MAGI2: variants seen among roughly 807,000 people sequenced by gnomAD.
The protein encoded by MAGI2 is membrane associated guanylate kinase, WW and PDZ domain containing 2.
A neutral mutation model predicts 133.3 loss-of-function variants in MAGI2; 35 were observed. The observed-to-expected ratio is 0.26, with a 90% CI of 0.20 to 0.35. MAGI2 has a LOEUF of 0.35. Ranked by LOEUF, MAGI2 falls within the 10% of genes least tolerant of loss-of-function variation. The probability of loss-of-function intolerance (pLI) is 1.00; values close to 1 mark genes in which losing one functional copy is unlikely to be tolerated. For missense variants in MAGI2, 1,636 were observed against 1,863.4 expected, an observed-to-expected ratio of 0.88 and a Z score of 2.25; for synonymous variants, 729 against 710.6, an observed-to-expected ratio of 1.03 and a Z score of -0.41.
intron 2 of MAGI2, among the ~76,000 whole-genome samples, chr7:78,903,490 C>G (rs1053082903): frequency 5.9e-5 from 9 of 152,054 alleles, no homozygotes; most frequent in Non-Finnish European, 1.2e-4. Context: ...CCACCGCGCC[C>G]GGCCGAGTTC....
At chr7:78,909,443 A>C (rs1798229583) in intron 2 of MAGI2, among the ~76,000 whole-genome samples, 1 of 150,406 alleles carries the variant, frequency 6.6e-6, no homozygotes, top group South Asian at 2.1e-4. Flanking sequence ...AAAAAAAAAA[A>C]ACAAAAAAAA....
chr7:78,997,339 C>A (rs1806407544), intron 2 of MAGI2, among the ~76,000 whole-genome samples: 1 of 152,094 alleles, frequency 6.6e-6, no homozygotes. Flanking sequence ...CATGGTGGCT[C>A]ATGCTTGTAA....
intron 9 of MAGI2, among the ~76,000 whole-genome samples, chr7:78,332,697 C>CAAA (rs35777998): frequency 8.5e-6 from 1 of 117,328 alleles, no homozygotes. Context: ...GACTCCGTCT[C>CAAA]AAAAAAAAAA....
At chr7:78,508,277 TG>T (rs1303805502) in intron 4 of MAGI2, among the ~76,000 whole-genome samples, 4 of 149,112 alleles carry the variant, frequency 2.7e-5, no homozygotes, top group Non-Finnish European at 5.9e-5. Context: ...AATCTGGGGG[TG>T]GGGGCACAAT....
chr7:78,033,966 A>G lies in MAGI2; in HGVS notation c.3707-13990T>C, dbSNP rs77842137. On this transcript the variant is annotated intron_variant, in intron 21 of 21. Transcript: ENST00000354212. Reference sequence around the variant, plus strand: ...ATGCTCAATCCCTCCGTCTTACCTAAACAGATGAGTCAACCCAGAATACCA... The same window carrying G: ...ATGCTCAATCCCTCCGTCTTACCTAGACAGATGAGTCAACCCAGAATACCA... Among the ~76,000 whole-genome samples the G allele has an allele frequency of 1.9e-3, 287 of 152,318 alleles. 3 individuals carry two copies. Among genetic ancestry groups the G allele is most frequent in the African/African-American group, 6.8e-3 (281 of 41,562 alleles).
intron 12 of MAGI2, among the ~76,000 whole-genome samples, chr7:78,188,323 CA>C (rs1827886036): frequency 6.6e-6 from 1 of 152,072 alleles, no homozygotes; most frequent in East Asian, 1.9e-4. Context: ...ATCTTCATAT[CA>C]ATATAACGGC....
intron 20 of MAGI2, among the ~76,000 whole-genome samples, chr7:78,080,177 G>A (rs995739607): frequency 2.6e-5 from 4 of 152,146 alleles, no homozygotes; most frequent in African/African-American, 7.2e-5. Flanking sequence ...CCCCAAAGTC[G>A]GGGGGAAGAA....
chr7:79,177,957 C>A (rs1369526104), intron 1 of MAGI2, among the ~76,000 whole-genome samples: 1 of 152,034 alleles, frequency 6.6e-6, no homozygotes, highest in African/African-American at 2.4e-5. Flanking sequence ...AGCATCTTGT[C>A]TTTTAAGCAC....
intron 1 of MAGI2, among the ~76,000 whole-genome samples, chr7:79,361,783 A>G (rs67685126): frequency 0.18 from 26,996 of 152,126 alleles, 2,758 homozygotes; most frequent in African/African-American, 0.27. Context: ...CAAAAACAGA[A>G]GAACAAAGGA....
chr7:79,085,395 A>T (rs1816398881), intron 1 of MAGI2, among the ~76,000 whole-genome samples: 2 of 151,578 alleles, frequency 1.3e-5, no homozygotes, highest in Non-Finnish European at 2.9e-5. Context: ...TAATTTCTTT[A>T]ATTCTTTAGA....
intron 9 of MAGI2, among the ~76,000 whole-genome samples, chr7:78,329,331 T>C (rs769225018): frequency 5.3e-5 from 8 of 152,242 alleles, no homozygotes; most frequent in Non-Finnish European, 7.3e-5. Context: ...TTATCTCCTA[T>C]TGACTTCAAT....
chr7:79,198,937 C>A (rs1048255071), intron 1 of MAGI2, among the ~76,000 whole-genome samples: 31 of 151,760 alleles, frequency 2.0e-4, no homozygotes, highest in African/African-American at 7.3e-4. Context: ...ACCATTTCAT[C>A]CCTCAGGATA....
At chr7:78,021,091 G>C (rs760109622) in intron 21 of MAGI2, among the ~76,000 whole-genome samples, 46 of 152,220 alleles carry the variant, frequency 3.0e-4, no homozygotes, top group Non-Finnish European at 5.4e-4. Context: ...CAAGTAGAAG[G>C]ACAGATGTAT....
At chr7:78,296,014 T>C (rs139732262) in intron 9 of MAGI2, among the ~76,000 whole-genome samples, 182 of 152,280 alleles carry the variant, frequency 1.2e-3, no homozygotes, top group African/African-American at 4.2e-3. Flanking sequence ...TGTCTCACCT[T>C]TGCCATTGCT....
rs576732006 is a variant in MAGI2 at position 78,086,226 on chromosome 7, T to C, written c.3568-7141A>G. Among the ~76,000 whole-genome samples, 14 of 147,430 alleles carry C rather than the reference T, an allele frequency of 9.5e-5. No homozygotes were observed. In the East Asian group the frequency reaches 1.9e-3, roughly 20 times the overall value. On this transcript the variant is annotated intron_variant, in intron 20 of 21. Coordinates refer to ENST00000354212, the MANE Select transcript of MAGI2 (RefSeq NM_012301.4). ...CCTTACTCTTCTAGGGCTCTTTTTT[T>C]TTTTAATTTTTAATGTTTTTTTTTT...
intron 1 of MAGI2, among the ~76,000 whole-genome samples, chr7:79,363,292 CT>C (rs2129125070): frequency 6.7e-6 from 1 of 149,294 alleles, no homozygotes; most frequent in African/African-American, 2.4e-5. Flanking sequence ...GATTAAAATG[CT>C]GATCTTCCAA....
chr7:78,719,384 C>A (rs1384546403), intron 2 of MAGI2, among the ~76,000 whole-genome samples: 5 of 151,732 alleles, frequency 3.3e-5, no homozygotes, highest in Non-Finnish European at 5.9e-5. Flanking sequence ...AAAAAAAATC[C>A]AACTGTAAGT....
At chr7:78,486,591 G>C in intron 6 of MAGI2, 2 of 287,790 alleles carry the variant, frequency 6.9e-6, no homozygotes, top group Non-Finnish European at 1.4e-5. Flanking sequence ...ACTAATGCAG[G>C]ACCCCGAGAT....
chr7:79,242,079 T>C (rs1421402018), intron 1 of MAGI2, among the ~76,000 whole-genome samples: 1 of 152,196 alleles, frequency 6.6e-6, no homozygotes, highest in Non-Finnish European at 1.5e-5. Context: ...ATTTGCTAAA[T>C]TTCAGTTAGT....
Sources: gnomAD v4.1 joint callset for allele counts (sites outside exome capture counted in the v4.1 genomes callset) on GRCh38, gnomAD v4.1.1 for gene constraint, MANE v1.5 for transcripts, NCBI Gene and HGNC (gene_info 2026-07-23, HGNC 2026-07-21) for gene names.